Variants in RFTN1 observed in about 807,000 individuals in gnomAD.
RFTN1 encodes the protein raftlin.
A neutral mutation model predicts 46.5 loss-of-function variants in RFTN1; 26 were observed. That is an observed-to-expected ratio of 0.56 (90% confidence interval 0.41 to 0.78). The LOEUF (loss-of-function observed/expected upper bound fraction) is 0.78, where lower values mean the gene tolerates loss of function less well. Ranked by LOEUF, RFTN1 falls within the 30% of genes least tolerant of loss-of-function variation. The probability of loss-of-function intolerance (pLI) is 0.00; values close to 1 mark genes in which losing one functional copy is unlikely to be tolerated. For synonymous variants in RFTN1, 261 were observed against 284.2 expected (o/e 0.92, Z 0.82); for missense variants, 693 against 718.7 (o/e 0.96, Z 0.41).
chr3:16,343,437 C>G (rs1383803198), intron 7 of RFTN1, among the ~76,000 whole-genome samples: 1 of 152,154 alleles, frequency 6.6e-6, no homozygotes, highest in Non-Finnish European at 1.5e-5. Flanking sequence ...ACCTGATTAC[C>G]CTTGTTTTTT....
intron 2 of RFTN1, chr3:16,482,880 C>G (rs993756984): frequency 8.6e-6 from 13 of 1,513,272 alleles, no homozygotes; most frequent in Non-Finnish European, 1.2e-5. Context: ...AGCCTCCCAC[C>G]GGGGTGAGCT....
At chr3:16,416,790 A>C (rs1489859843) in intron 3 of RFTN1, among the ~76,000 whole-genome samples, 1 of 152,226 alleles carries the variant, frequency 6.6e-6, no homozygotes, top group East Asian at 1.9e-4. Context: ...ATGAAATGAA[A>C]GAATGGGGTC....
chr3:16,454,625 A>G (rs1559355689), intron 2 of RFTN1, among the ~76,000 whole-genome samples: 3 of 152,222 alleles, frequency 2.0e-5, no homozygotes, highest in Non-Finnish European at 1.5e-5. Context: ...AGATGGATAC[A>G]TAAGACACAA....
At chr3:16,379,824 C>G (rs2073922148) in intron 4 of RFTN1, among the ~76,000 whole-genome samples, 1 of 152,186 alleles carries the variant, frequency 6.6e-6, no homozygotes, top group Non-Finnish European at 1.5e-5. Flanking sequence ...AAAGAAGGCA[C>G]AGCAACACAA....
At chr3:16,469,677 G>C (rs1482536545) in intron 2 of RFTN1, among the ~76,000 whole-genome samples, 1 of 152,248 alleles carries the variant, frequency 6.6e-6, no homozygotes, top group East Asian at 1.9e-4. Flanking sequence ...ATGCTGGCCT[G>C]AGGCCCCTCC....
In RFTN1 at chr3:16,465,419, G is replaced by GACACACACACAC. The variant is rs10560544; in HGVS notation, c.145+28294_145+28305dup. On this transcript the variant is annotated intron_variant, in intron 2 of 9. Transcript: ENST00000334133. This position sits in a 1 kb window ranked among gnomAD's most constrained non-coding sequence, Gnocchi z 5.1. ...CCAACAGAGGTTGGCAGCTCAGAGGGACACACACACACACACACACACACA... is the reference window on the plus strand; with the variant it reads ...CCAACAGAGGTTGGCAGCTCAGAGGGACACACACACACACACACACACACACACACACACACA... Among the ~76,000 whole-genome samples the GACACACACACAC allele has an allele frequency of 4.2e-5, 6 of 143,402 alleles. No individual in the cohort carries two copies. The highest frequency in any genetic ancestry group is 2.3e-4 in the South Asian group (1 of 4,374). The allele number at this position is 143,402 out of a possible 152,430, so 94.1% of individuals were successfully genotyped here.
In RFTN1 at chr3:16,504,794, C is replaced by T. The variant is rs1348048491; in HGVS notation, c.-9+8648G>A. Among the ~76,000 whole-genome samples, 1 of 152,186 alleles carries T rather than the reference C, an allele frequency of 6.6e-6. No individual in the cohort carries two copies. Among genetic ancestry groups the T allele is most frequent in the Non-Finnish European group, 1.5e-5 (1 of 68,024 alleles). ...CAGACATCTCCAAGAACTGTTTCAACATCTCCACCTGGAACTTTCTCTCTT... is the reference window on the plus strand; with the variant it reads ...CAGACATCTCCAAGAACTGTTTCAATATCTCCACCTGGAACTTTCTCTCTT... On this transcript the variant is annotated intron_variant, in intron 1 of 9. Coordinates refer to ENST00000334133, the MANE Select transcript of RFTN1 (RefSeq NM_015150.2). The surrounding 1 kb of genome is among the most constrained non-coding windows in gnomAD (Gnocchi z 4.4).
At chr3:16,363,790 C>G (rs917275285) in intron 6 of RFTN1, among the ~76,000 whole-genome samples, 8 of 140,650 alleles carry the variant, frequency 5.7e-5, no homozygotes, top group African/African-American at 1.7e-4. Flanking sequence ...ATCCTCTTGG[C>G]TCTCTGAGGG....
chr3:16,409,931 C>T (rs1250366018), intron 3 of RFTN1, among the ~76,000 whole-genome samples: 1 of 151,992 alleles, frequency 6.6e-6, no homozygotes, highest in Non-Finnish European at 1.5e-5. Context: ...AGGTGATCCG[C>T]CCGCCTTGGC....
chr3:16,364,541 A>G (rs1383356491), intron 6 of RFTN1, among the ~76,000 whole-genome samples: 2 of 151,884 alleles, frequency 1.3e-5, no homozygotes, highest in East Asian at 1.9e-4. Context: ...CCACTGCACC[A>G]TACTCTCTCT....
chr3:16,450,066 C>G lies in RFTN1; in HGVS notation c.146-16029G>C, dbSNP rs541402809. 7.9e-5 allele frequency among the ~76,000 whole-genome samples: 12 copies of G among 152,224 alleles called. No homozygotes were observed. Among genetic ancestry groups the G allele is most frequent in the Non-Finnish European group, 1.8e-4 (12 of 68,024 alleles). ...AGGCAGAAGACATGTCACCCCCATC[C>G]TGACCACTCTCCATGCCTGTCTTAA... is the stretch of plus-strand genomic sequence containing the variant. On this transcript the variant is annotated intron_variant, in intron 2 of 9. Transcript: ENST00000334133. This position sits in a 1 kb window ranked among gnomAD's most constrained non-coding sequence, Gnocchi z 4.6.
chr3:16,482,736 A>G, intron 2 of RFTN1: 2 of 1,522,344 alleles, frequency 1.3e-6, no homozygotes, highest in South Asian at 2.4e-5. Context: ...AACAATGATT[A>G]TATCAATACC....
In RFTN1 at chr3:16,317,638, G is replaced by T. The variant is rs2068557792; in HGVS notation, c.1333-406C>A. On this transcript the variant is annotated intron_variant, in intron 9 of 9. Coordinates refer to ENST00000334133, the MANE Select transcript of RFTN1 (RefSeq NM_015150.2). The surrounding 1 kb of genome is among the most constrained non-coding windows in gnomAD (Gnocchi z 4.3). ...CTCATTTCCATTCTGAGCAGGCTGAGGATTACCAGGCACGGGGCTGGCATT... is the reference window on the plus strand; with the variant it reads ...CTCATTTCCATTCTGAGCAGGCTGATGATTACCAGGCACGGGGCTGGCATT... 6.6e-6 allele frequency among the ~76,000 whole-genome samples: 1 copy of T among 152,174 alleles called. No homozygotes were observed. Among genetic ancestry groups the T allele is most frequent in the Non-Finnish European group, 1.5e-5 (1 of 68,026 alleles).
At chr3:16,367,158 G>T (rs553681) in intron 6 of RFTN1, among the ~76,000 whole-genome samples, 272 of 138,036 alleles carry the variant, frequency 2.0e-3, no homozygotes, top group South Asian at 6.5e-3. Flanking sequence ...TTCAGGAGTC[G>T]TGACTAGTGC....
At chr3:16,511,006 T>C (rs1217508638) in intron 1 of RFTN1, among the ~76,000 whole-genome samples, 5 of 152,142 alleles carry the variant, frequency 3.3e-5, no homozygotes, top group African/African-American at 4.8e-5. Context: ...TGGATGAATC[T>C]CAAAAATATG....
chr3:16,332,096 TC>T (rs1418097054), intron 7 of RFTN1, among the ~76,000 whole-genome samples: 2 of 152,146 alleles, frequency 1.3e-5, no homozygotes, highest in African/African-American at 2.4e-5. Flanking sequence ...TTGGTGTGGG[TC>T]TTTTTTACTC....
At chr3:16,398,518 G>A (rs2074529280) in intron 4 of RFTN1, among the ~76,000 whole-genome samples, 1 of 152,140 alleles carries the variant, frequency 6.6e-6, no homozygotes, top group Admixed American at 6.5e-5. Context: ...GCTGTGGGCT[G>A]CCCCAGCTCA....
intron 4 of RFTN1, among the ~76,000 whole-genome samples, chr3:16,399,850 T>C (rs553545033): frequency 6.6e-6 from 1 of 152,302 alleles, no homozygotes; most frequent in African/African-American, 2.4e-5. Flanking sequence ...CGGTGCCTCG[T>C]TACCCCATCC....
rs2075978565 is a variant in RFTN1 at position 16,459,804 on chromosome 3, G to A, written c.146-25767C>T. 6.6e-6 allele frequency among the ~76,000 whole-genome samples: 1 copy of A among 151,718 alleles called. No homozygotes were observed. The highest frequency in any genetic ancestry group is 1.5e-5 in the Non-Finnish European group (1 of 67,956). The stretch of plus-strand genomic sequence containing the variant: ...TATTATAGAATTATTGGCCATTGTT[G>A]TTTATTTAAATGCTAGAAAAAAAAT... On this transcript the variant is annotated intron_variant, in intron 2 of 9. Transcript: ENST00000334133. This position sits in a 1 kb window ranked among gnomAD's most constrained non-coding sequence, Gnocchi z 4.2.
Sources: gnomAD v4.1 joint callset for allele counts (sites outside exome capture counted in the v4.1 genomes callset) on GRCh38, gnomAD v4.1.1 for gene constraint, Gnocchi (gnomAD v3.1) non-coding constraint, MANE v1.5 for transcripts, NCBI Gene and HGNC (gene_info 2026-07-23, HGNC 2026-07-21) for gene names.